The following ERC2 variants were observed in gnomAD, a reference collection of about 807,000 sequenced individuals.
The protein encoded by ERC2 is ELKS/RAB6-interacting/CAST family member 2.
ERC2 carries 42 observed loss-of-function variants against 114.8 expected under a neutral mutation model. The ratio of observed to expected loss-of-function variants is 0.37; its 90% CI spans 0.29 to 0.47. ERC2 has a LOEUF of 0.47. Ranked by LOEUF, ERC2 falls within the 20% of genes least tolerant of loss-of-function variation. ERC2 has a pLI of 0.99. For missense variants in ERC2, 939 were observed against 1,150.7 expected (o/e 0.82, Z 2.66); for synonymous variants, 454 against 425.5 (o/e 1.07, Z -0.82).
intron 12 of ERC2, among the ~76,000 whole-genome samples, chr3:55,950,835 A>G (rs1199059173): frequency 6.6e-6 from 1 of 152,230 alleles, no homozygotes; most frequent in East Asian, 1.9e-4. Flanking sequence ...ATGGACAAGT[A>G]CCAAGGAAAC....
At chr3:55,511,668 T>A (rs1416617713) in intron 17 of ERC2, among the ~76,000 whole-genome samples, 3 of 152,244 alleles carry the variant, frequency 2.0e-5, no homozygotes, top group Non-Finnish European at 2.9e-5. Flanking sequence ...GTTTTTAAAA[T>A]TATTTTTTAA....
In ERC2 at chr3:56,278,578, A is replaced by G. The variant is rs542555229; in HGVS notation, c.1074+17441T>C. ...TTAATGGTATCTACTGTTTTAGTCC[A>G]TATTTGTGTTGCTATCAAGAAATAC... On this transcript the variant is annotated intron_variant, in intron 3 of 17. Coordinates refer to ENST00000288221, the MANE Select transcript of ERC2 (RefSeq NM_015576.3). 3.9e-5 allele frequency among the ~76,000 whole-genome samples: 6 copies of G among 152,332 alleles called. No homozygotes were observed. The East Asian group carries it at 5.8e-4, about 15-fold the overall frequency.
At position 55,830,881 on chromosome 3, in the gene ERC2, C is replaced by T. The variant is rs538320616; in HGVS notation, c.2564+57508G>A. 2.0e-5 allele frequency among the ~76,000 whole-genome samples: 3 copies of T among 152,240 alleles called. No individual in the cohort carries two copies. In the South Asian group the frequency reaches 6.2e-4, roughly 32 times the overall value. On this transcript the variant is annotated intron_variant, in intron 14 of 17. Transcript: ENST00000288221. Reference sequence around the variant, plus strand: ...ATCCCTTGACCCCAGGAATTTGAGGCTGCAGTGAGCTAGGATTGCACCACT... The same window carrying T: ...ATCCCTTGACCCCAGGAATTTGAGGTTGCAGTGAGCTAGGATTGCACCACT...
intron 6 of ERC2, among the ~76,000 whole-genome samples, chr3:56,110,655 T>C (rs565528041): frequency 6.6e-6 from 1 of 152,354 alleles, no homozygotes; most frequent in African/African-American, 2.4e-5. Flanking sequence ...AGCATTGATA[T>C]CATTAGAGCA....
intron 14 of ERC2, among the ~76,000 whole-genome samples, chr3:55,831,513 C>T (rs1211112132): frequency 6.6e-6 from 1 of 151,534 alleles, no homozygotes; most frequent in Non-Finnish European, 1.5e-5. Flanking sequence ...GAAAGAGGAA[C>T]AAAATTAAAG....
chr3:56,326,577 T>G (rs777036024), intron 2 of ERC2, among the ~76,000 whole-genome samples: 1 of 152,138 alleles, frequency 6.6e-6, no homozygotes, highest in Non-Finnish European at 1.5e-5. Context: ...GGTGTGAGAG[T>G]TGGGATAGTT....
chr3:55,941,240 G>A (rs964972405), intron 13 of ERC2, among the ~76,000 whole-genome samples: 2 of 152,208 alleles, frequency 1.3e-5, no homozygotes, highest in Admixed American at 1.3e-4. Context: ...CCTGCCATGG[G>A]TGTCAATGAA....
At chr3:55,796,265 C>T (rs2070476150) in intron 14 of ERC2, among the ~76,000 whole-genome samples, 1 of 151,262 alleles carries the variant, frequency 6.6e-6, no homozygotes. Context: ...GAAAAGTGAA[C>T]TATTGGGCCT....
intron 2 of ERC2, among the ~76,000 whole-genome samples, chr3:56,339,588 C>A (rs1445640102): frequency 6.6e-6 from 1 of 152,012 alleles, no homozygotes; most frequent in African/African-American, 2.4e-5. Context: ...AATCAGGGGT[C>A]CAATTTCCCT....
At chr3:55,885,898 A>G (rs1051145655) in intron 14 of ERC2, among the ~76,000 whole-genome samples, 2 of 152,224 alleles carry the variant, frequency 1.3e-5, no homozygotes, top group African/African-American at 2.4e-5. Context: ...CACAGCCACC[A>G]GGTGGAAGCA....
intron 4 of ERC2, among the ~76,000 whole-genome samples, chr3:56,154,125 A>C (rs1032421425): frequency 3.9e-5 from 6 of 152,188 alleles, no homozygotes; most frequent in Non-Finnish European, 7.3e-5. Context: ...CCTGGATCTT[A>C]GGCTACCTGA....
intron 2 of ERC2, among the ~76,000 whole-genome samples, chr3:56,364,529 A>G (rs1265666823): frequency 2.1e-4 from 32 of 152,230 alleles, no homozygotes; most frequent in Admixed American, 2.1e-3. Flanking sequence ...ACAAATGTAC[A>G]ATATGTACAT....
chr3:56,103,406 C>A (rs1409040173), intron 6 of ERC2, among the ~76,000 whole-genome samples: 3 of 152,080 alleles, frequency 2.0e-5, no homozygotes, highest in African/African-American at 4.8e-5. Flanking sequence ...TGTAATGGAG[C>A]CAAAAGTGTC....
chr3:55,892,320 C>T (rs552201012), intron 13 of ERC2, among the ~76,000 whole-genome samples: 1 of 152,148 alleles, frequency 6.6e-6, no homozygotes, highest in African/African-American at 2.4e-5. Context: ...GAGTTTGAGA[C>T]CAGGCTGGGC....
At chr3:55,684,490 T>C (rs2062226853) in intron 16 of ERC2, among the ~76,000 whole-genome samples, 1 of 152,194 alleles carries the variant, frequency 6.6e-6, no homozygotes. Flanking sequence ...GATGGTATGA[T>C]TATACAGTTG....
chr3:55,853,665 A>G (rs2061667238), intron 14 of ERC2, among the ~76,000 whole-genome samples: 1 of 152,226 alleles, frequency 6.6e-6, no homozygotes, highest in African/African-American at 2.4e-5. Flanking sequence ...GCTGGTCACA[A>G]AAGGTCAAAT....
chr3:55,948,408 A>G (rs2067268559), intron 13 of ERC2, among the ~76,000 whole-genome samples: 1 of 152,250 alleles, frequency 6.6e-6, no homozygotes, highest in Non-Finnish European at 1.5e-5. Context: ...GAAATGCTCA[A>G]AACAATAGCA....
chr3:55,946,616 G>A (rs1351354164), intron 13 of ERC2, among the ~76,000 whole-genome samples: 2 of 152,108 alleles, frequency 1.3e-5, no homozygotes, highest in African/African-American at 4.8e-5. Flanking sequence ...GGGAGGTAAA[G>A]ATTGTAATCC....
intron 6 of ERC2, among the ~76,000 whole-genome samples, chr3:56,130,934 T>C (rs995363267): frequency 2.6e-5 from 4 of 152,186 alleles, no homozygotes; most frequent in Non-Finnish European, 5.9e-5. Context: ...CTCATTTGTA[T>C]GTGACCCCAA....
Sources: allele counts gnomAD v4.1 joint callset (sites outside exome capture counted in the v4.1 genomes callset), GRCh38; gene constraint gnomAD v4.1.1; transcripts MANE v1.5; gene names NCBI Gene and HGNC (gene_info 2026-07-23, HGNC 2026-07-21).